Variants in XKR4 observed in about 807,000 individuals in gnomAD.
XKR4 encodes XK-related protein 4.
In XKR4, 12 loss-of-function variants were observed where a neutral mutation model predicts 53.9. The observed-to-expected ratio is 0.22, with a 90% CI of 0.14 to 0.36. The LOEUF is 0.36. Ranked by LOEUF, XKR4 falls within the 10% of genes least tolerant of loss-of-function variation. The pLI is 1.00. For synonymous variants in XKR4, 354 were observed against 362.4 expected (o/e 0.98, Z 0.26); for missense variants, 799 against 859.5 (o/e 0.93, Z 0.88).
chr8:55,248,913 G>C (rs568166591), intron 1 of XKR4, among the ~76,000 whole-genome samples: 4 of 151,904 alleles, frequency 2.6e-5, no homozygotes, highest in Admixed American at 2.0e-4. Flanking sequence ...ACATAAAGAC[G>C]GGCCTTCTGG....
At chr8:55,432,651 G>A (rs1805118992) in intron 2 of XKR4, among the ~76,000 whole-genome samples, 1 of 152,164 alleles carries the variant, frequency 6.6e-6, no homozygotes, top group Non-Finnish European at 1.5e-5. Flanking sequence ...TCTGAGGTTT[G>A]CAGAAAATTC....
chr8:55,449,615 A>G (rs750645401), intron 2 of XKR4: 2 of 1,124,100 alleles, frequency 1.8e-6, no homozygotes, highest in Non-Finnish European at 2.7e-6. Flanking sequence ...CACGTCAAAG[A>G]AGGCCTTCTC....
intron 2 of XKR4, among the ~76,000 whole-genome samples, chr8:55,434,754 C>T (rs1805150514): frequency 6.6e-6 from 1 of 152,182 alleles, no homozygotes; most frequent in Admixed American, 6.5e-5. Flanking sequence ...TTCGACTTTG[C>T]TGCTTTTTTA....
chr8:55,461,817 T>G (rs868691546), intron 2 of XKR4, among the ~76,000 whole-genome samples: 1 of 152,170 alleles, frequency 6.6e-6, no homozygotes, highest in African/African-American at 2.4e-5. Context: ...ACGAGAACTA[T>G]GTGACGAATG....
rs55918449 is a variant in XKR4 at position 55,366,777 on chromosome 8, G to C, written c.1006+8900G>C. Among the ~76,000 whole-genome samples, 415 of 152,180 alleles carry C rather than the reference G, an allele frequency of 2.7e-3. 2 individuals are homozygous for C. The highest frequency in any genetic ancestry group is 9.4e-3 in the African/African-American group (389 of 41,508). On this transcript the variant is annotated intron_variant, in intron 2 of 2. Coordinates refer to ENST00000327381, the MANE Select transcript of XKR4 (RefSeq NM_052898.2). Reference sequence around the variant, plus strand: ...TCTACCCTGGAGTCCACTACCACCTGCTCAATCACCCTGTTCTTGGAATTA... The same window carrying C: ...TCTACCCTGGAGTCCACTACCACCTCCTCAATCACCCTGTTCTTGGAATTA...
intron 2 of XKR4, among the ~76,000 whole-genome samples, chr8:55,457,833 G>A (rs531596417): frequency 2.6e-5 from 4 of 152,120 alleles, no homozygotes; most frequent in Non-Finnish European, 5.9e-5. Flanking sequence ...ATGGATATGT[G>A]TGTGTATTTA....
At chr8:55,320,804 C>A (rs1421505521) in intron 1 of XKR4, among the ~76,000 whole-genome samples, 1 of 152,078 alleles carries the variant, frequency 6.6e-6, no homozygotes, top group African/African-American at 2.4e-5. Context: ...ATGAGACACA[C>A]CTTTCTTTGT....
intron 2 of XKR4, among the ~76,000 whole-genome samples, chr8:55,399,962 C>T (rs1246336676): frequency 6.6e-6 from 1 of 152,302 alleles, no homozygotes; most frequent in South Asian, 2.1e-4. Flanking sequence ...TTCTGCCCCT[C>T]GGGTTTCTCC....
intron 2 of XKR4, among the ~76,000 whole-genome samples, chr8:55,487,189 G>A (rs1806205150): frequency 6.6e-6 from 1 of 152,196 alleles, no homozygotes; most frequent in Non-Finnish European, 1.5e-5. Flanking sequence ...GGACCTGGGG[G>A]ACAGGTGGTG....
rs1374832942 is a variant in XKR4, at chr8:55,533,637, CCTTCTTTTTCTACAGAAACAT to C, written c.*9414_*9434del. 6.6e-6 allele frequency: 1 copy of C among 152,292 alleles called. No individual in the cohort carries two copies. Among genetic ancestry groups the C allele is most frequent in the East Asian group, 1.9e-4 (1 of 5,172 alleles). The allele number at this position is 152,292 out of a possible 1,614,324, so 9.4% of individuals were successfully genotyped here. On this transcript the variant is annotated 3_prime_UTR_variant, in exon 3 of 3. Transcript: ENST00000327381. ...TGCCTATTGCTGATGCTATCGATTCCCTTCTTTTTCTACAGAAACATCTTGGAGCTTGTCAAGCTTTACTGG... is the reference window on the plus strand; with the variant it reads ...TGCCTATTGCTGATGCTATCGATTCCCTTGGAGCTTGTCAAGCTTTACTGG...
intron 2 of XKR4, among the ~76,000 whole-genome samples, chr8:55,377,793 A>G (rs920125250): frequency 1.3e-5 from 2 of 152,232 alleles, no homozygotes; most frequent in Non-Finnish European, 2.9e-5. Flanking sequence ...TTGTGAATAC[A>G]GGAGAAAATA....
At chr8:55,135,900 T>TG (rs1439558741) in intron 1 of XKR4, among the ~76,000 whole-genome samples, 1 of 149,956 alleles carries the variant, frequency 6.7e-6, no homozygotes, top group East Asian at 2.0e-4. Context: ...TTTTTTTTTT[T>TG]TTTTGTTTTT....
chr8:55,328,297 T>C (rs150307657), intron 1 of XKR4, among the ~76,000 whole-genome samples: 2 of 152,206 alleles, frequency 1.3e-5, no homozygotes, highest in Non-Finnish European at 2.9e-5. Flanking sequence ...ATAATATTAC[T>C]GAAACAGTAC....
At chr8:55,191,998 G>C (rs913092238) in intron 1 of XKR4, among the ~76,000 whole-genome samples, 3 of 151,364 alleles carry the variant, frequency 2.0e-5, no homozygotes, top group African/African-American at 7.3e-5. Flanking sequence ...AACTTTGAGA[G>C]AGTTCTGCCT....
intron 2 of XKR4, among the ~76,000 whole-genome samples, chr8:55,507,793 A>G (rs972859951): frequency 1.3e-5 from 2 of 152,156 alleles, no homozygotes; most frequent in African/African-American, 4.8e-5. Context: ...ATTGTGAATA[A>G]TGCCGCAATA....
chr8:55,158,451 C>T (rs1160258502), intron 1 of XKR4, among the ~76,000 whole-genome samples: 1 of 152,146 alleles, frequency 6.6e-6, no homozygotes, highest in Non-Finnish European at 1.5e-5. Flanking sequence ...TATAGGTTGT[C>T]TGTTTACTCT....
chr8:55,462,321 A>C (rs560068377), intron 2 of XKR4, among the ~76,000 whole-genome samples: 55 of 152,232 alleles, frequency 3.6e-4, no homozygotes, highest in Non-Finnish European at 7.1e-4. Flanking sequence ...GCCAATATTC[A>C]ACATTCTTAA....
intron 2 of XKR4, chr8:55,453,888 A>G (rs2622584): frequency 0.18 from 104,103 of 573,830 alleles, 11,118 homozygotes; most frequent in Non-Finnish European, 0.22. Flanking sequence ...GGGACCCCAC[A>G]CTCCAACACA....
intron 2 of XKR4, chr8:55,450,420 C>A: frequency 1.7e-6 from 1 of 572,136 alleles, no homozygotes; most frequent in South Asian, 1.9e-5. Flanking sequence ...TGGCTGTCCT[C>A]TTGCTCATCC....
Sources: gnomAD v4.1 joint callset for allele counts (sites outside exome capture counted in the v4.1 genomes callset) on GRCh38, gnomAD v4.1.1 for gene constraint, MANE v1.5 for transcripts, NCBI Gene and HGNC (gene_info 2026-07-23, HGNC 2026-07-21) for gene names.